The following CADM1 variants were observed in gnomAD, a reference collection of about 807,000 sequenced individuals.
CADM1 encodes TSLC-1.
CADM1 carries 15 observed loss-of-function variants against 53.1 expected under a neutral mutation model. The ratio of observed to expected loss-of-function variants is 0.28; its 90% CI spans 0.19 to 0.44. CADM1 has a LOEUF of 0.44. CADM1 is among the 20% of genes least tolerant of loss of function. The probability of loss-of-function intolerance (pLI) is 1.00; values close to 1 mark genes in which losing one functional copy is unlikely to be tolerated. For synonymous variants in CADM1, 281 were observed against 243.0 expected (o/e 1.16, Z -1.45); for missense variants, 434 against 611.3 (o/e 0.71, Z 3.06).
At chr11:115,477,193 GA>G (rs1188320263) in intron 1 of CADM1, among the ~76,000 whole-genome samples, 1 of 151,266 alleles carries the variant, frequency 6.6e-6, no homozygotes, top group East Asian at 1.9e-4. Flanking sequence ...GCACAATGAA[GA>G]AAAAAATCAA....
intron 1 of CADM1, among the ~76,000 whole-genome samples, chr11:115,350,509 CTT>C (rs34913142): frequency 2.9e-5 from 4 of 138,030 alleles, no homozygotes; most frequent in African/African-American, 5.4e-5. Flanking sequence ...TTCTTTTTTT[CTT>C]TTTTTTTTTT....
chr11:115,233,380 G>C lies in CADM1; in HGVS notation c.425-1890C>G, dbSNP rs148576200. Among the ~76,000 whole-genome samples, 671 of 152,280 alleles carry C rather than the reference G, an allele frequency of 4.4e-3. 20 individuals are homozygous for C. Among genetic ancestry groups the C allele is most frequent in the Admixed American group, 0.039 (591 of 15,290 alleles). ...CTAGCATTTTATGAGACACAGAAAG[G>C]CTTTAACAAAAGAAATGGAATGACT... On this transcript the variant is annotated intron_variant, in intron 3 of 11. Transcript: ENST00000331581.
chr11:115,382,875 T>C (rs1946612682), intron 1 of CADM1, among the ~76,000 whole-genome samples: 1 of 152,128 alleles, frequency 6.6e-6, no homozygotes, highest in Non-Finnish European at 1.5e-5. Context: ...AATTTGCATT[T>C]GAAAATAGAG....
At chr11:115,366,299 C>T (rs1445776738) in intron 1 of CADM1, among the ~76,000 whole-genome samples, 1 of 152,128 alleles carries the variant, frequency 6.6e-6, no homozygotes, top group Non-Finnish European at 1.5e-5. Flanking sequence ...AGTCAGGAAC[C>T]TACTTAAATA....
chr11:115,492,398 AG>A lies in CADM1; in HGVS notation c.124+11872del, dbSNP rs1256925193. Reference sequence around the variant, plus strand: ...ATGAGAATGGACAGTTTTGATTTTGAGCCACGTTAATGAGTTATATGTTCAA... The same window carrying A: ...ATGAGAATGGACAGTTTTGATTTTGACCACGTTAATGAGTTATATGTTCAA... On this transcript the variant is annotated intron_variant, in intron 1 of 11. Coordinates refer to ENST00000331581, the MANE Select transcript of CADM1 (RefSeq NM_001301043.2). Among the ~76,000 whole-genome samples the A allele has an allele frequency of 1.3e-4, 20 of 152,236 alleles. 2 individuals carry two copies. The highest frequency in any genetic ancestry group is 1.3e-3 in the Admixed American group (20 of 15,284).
intron 1 of CADM1, among the ~76,000 whole-genome samples, chr11:115,367,343 G>T (rs938932386): frequency 6.6e-6 from 1 of 152,188 alleles, no homozygotes; most frequent in Non-Finnish European, 1.5e-5. Context: ...TATTTTCTCT[G>T]AGAAAGGTAT....
rs142463959 is a variant in CADM1 at position 115,460,977 on chromosome 11, CA to C, written c.124+43293del. 2.4e-3 allele frequency among the ~76,000 whole-genome samples: 364 copies of C among 152,206 alleles called. 1 individual carries two copies. The highest frequency in any genetic ancestry group is 7.9e-3 in the African/African-American group (328 of 41,542). ...ATAGAAAGGCTCCAAAAACAATTAG[CA>C]AAAGATCTTTAGTAGGAAGAGATCT... On this transcript the variant is annotated intron_variant, in intron 1 of 11. Coordinates refer to ENST00000331581, the MANE Select transcript of CADM1 (RefSeq NM_001301043.2).
chr11:115,256,218 C>A (rs574116447), intron 1 of CADM1, among the ~76,000 whole-genome samples: 2 of 152,202 alleles, frequency 1.3e-5, no homozygotes, highest in Non-Finnish European at 2.9e-5. Flanking sequence ...GCTATCTTAC[C>A]CATTACAACA....
rs1188086065 is a variant in CADM1 at position 115,328,685 on chromosome 11, T to C, written c.125-88265A>G. On this transcript the variant is annotated intron_variant, in intron 1 of 11. Coordinates refer to ENST00000331581, the MANE Select transcript of CADM1 (RefSeq NM_001301043.2). ...CGCACACTATATATATATGTGTATATATATGTGTATATATATGTATATATA... is the reference window on the plus strand; with the variant it reads ...CGCACACTATATATATATGTGTATACATATGTGTATATATATGTATATATA... Among the ~76,000 whole-genome samples, 78 of 30,406 alleles carry C rather than the reference T, an allele frequency of 2.6e-3. 5 individuals carry two copies. Among genetic ancestry groups the C allele is most frequent in the African/African-American group, 0.015 (71 of 4,606 alleles). 19.9% of individuals were successfully genotyped at this position (30,406 alleles called of 152,430 possible).
At chr11:115,407,090 A>G (rs151070763) in intron 1 of CADM1, among the ~76,000 whole-genome samples, 21 of 152,262 alleles carry the variant, frequency 1.4e-4, no homozygotes, top group African/African-American at 5.1e-4. Context: ...ATTAAGTGTG[A>G]TTGCTGCTGA....
At chr11:115,455,198 T>C (rs1319587620) in intron 1 of CADM1, among the ~76,000 whole-genome samples, 3 of 152,146 alleles carry the variant, frequency 2.0e-5, no homozygotes, top group Non-Finnish European at 4.4e-5. Context: ...TGAGGTTTCC[T>C]TCGTTTCCAA....
intron 8 of CADM1, among the ~76,000 whole-genome samples, chr11:115,205,482 C>T (rs957516621): frequency 6.6e-6 from 1 of 152,188 alleles, no homozygotes; most frequent in Non-Finnish European, 1.5e-5. Context: ...CCCGCCACCC[C>T]AGCATGGCAT....
chr11:115,352,261 A>G (rs1049367758), intron 1 of CADM1, among the ~76,000 whole-genome samples: 3 of 152,220 alleles, frequency 2.0e-5, no homozygotes, highest in Admixed American at 6.5e-5. Flanking sequence ...GTTCTATACA[A>G]AAGTGGAGTA....
rs190672794 is a variant in CADM1 at position 115,353,068 on chromosome 11, A to C, written c.125-112648T>G. 1.1e-4 allele frequency among the ~76,000 whole-genome samples: 17 copies of C among 152,332 alleles called. No individual in the cohort carries two copies. The East Asian group carries it at 2.9e-3, about 26-fold the overall frequency. On this transcript the variant is annotated intron_variant, in intron 1 of 11. Coordinates refer to ENST00000331581, the MANE Select transcript of CADM1 (RefSeq NM_001301043.2). The stretch of plus-strand genomic sequence containing the variant: ...TTTGTGTTCTGGACTGAAAATGCTA[A>C]AGGCTTTTTGAGTTTGATAATTTCT...
chr11:115,314,550 G>C (rs1218314803), intron 1 of CADM1, among the ~76,000 whole-genome samples: 1 of 152,140 alleles, frequency 6.6e-6, no homozygotes, highest in Non-Finnish European at 1.5e-5. Flanking sequence ...TATGCAGTAT[G>C]ACTATGTAGA....
chr11:115,225,954 C>T (rs1360373749), intron 5 of CADM1, among the ~76,000 whole-genome samples: 1 of 151,968 alleles, frequency 6.6e-6, no homozygotes, highest in Non-Finnish European at 1.5e-5. Flanking sequence ...ATCAGCCAGG[C>T]TTAAACAAGT....
At chr11:115,409,737 GAAAA>G (rs34048832) in intron 1 of CADM1, among the ~76,000 whole-genome samples, 1 of 136,168 alleles carries the variant, frequency 7.3e-6, no homozygotes, top group Non-Finnish European at 1.6e-5. Flanking sequence ...TAAGCTTGAA[GAAAA>G]AAAAAAAAAA....
chr11:115,375,548 C>T (rs1260177873), intron 1 of CADM1, among the ~76,000 whole-genome samples: 2 of 152,048 alleles, frequency 1.3e-5, no homozygotes, highest in Non-Finnish European at 2.9e-5. Flanking sequence ...AATATGAACA[C>T]AGAGATGTAT....
intron 1 of CADM1, among the ~76,000 whole-genome samples, chr11:115,262,767 C>T (rs2135021498): frequency 6.6e-6 from 1 of 151,208 alleles, no homozygotes; most frequent in Middle Eastern, 3.5e-3. Flanking sequence ...GTTTCTTCAC[C>T]TAAGCTTTTC....
Sources: gnomAD v4.1 joint callset for allele counts (sites outside exome capture counted in the v4.1 genomes callset) on GRCh38, gnomAD v4.1.1 for gene constraint, MANE v1.5 for transcripts, NCBI Gene and HGNC (gene_info 2026-07-23, HGNC 2026-07-21) for gene names.